Variants in IGF2BP1 observed in about 807,000 individuals in gnomAD.
The protein encoded by IGF2BP1 is insulin-like growth factor 2 mRNA-binding protein 1.
Under a neutral mutation model 74.9 loss-of-function variants are expected in IGF2BP1, and 11 were observed. That is an observed-to-expected ratio of 0.15 (90% confidence interval 0.09 to 0.24). The LOEUF is 0.24. Ranked by LOEUF, IGF2BP1 falls within the 10% of genes least tolerant of loss-of-function variation. The pLI, the probability that IGF2BP1 is intolerant of heterozygous loss-of-function variation, is 1.00. For missense variants in IGF2BP1, 440 were observed against 757.4 expected, an observed-to-expected ratio of 0.58 and a Z score of 4.92; for synonymous variants, 287 against 281.8, an observed-to-expected ratio of 1.02 and a Z score of -0.18.
In IGF2BP1 at chr17:48,997,628, C is replaced by T; in HGVS notation, c.-118C>T. The T allele has an allele frequency of 1.8e-6, 2 of 1,114,874 alleles. No individual in the cohort carries two copies. Among genetic ancestry groups the T allele is most frequent in the Non-Finnish European group, 2.6e-6 (2 of 781,180 alleles). 69.1% of individuals were successfully genotyped at this position (1,114,874 alleles called of 1,614,324 possible). Reference sequence around the variant, plus strand: ...TCGGGACAACTTCTGGGGTGGGGTGCAAAGAAAGTTTGCGGCTCCTGCCGC... The same window carrying T: ...TCGGGACAACTTCTGGGGTGGGGTGTAAAGAAAGTTTGCGGCTCCTGCCGC... On this transcript the variant is annotated 5_prime_UTR_variant, in exon 1 of 15. Coordinates refer to ENST00000290341, the MANE Select transcript of IGF2BP1 (RefSeq NM_006546.4). The surrounding 1 kb of genome is among the most constrained non-coding windows in gnomAD (Gnocchi z 4.8).
chr17:49,004,188 C>A (rs1014346030), intron 2 of IGF2BP1, among the ~76,000 whole-genome samples: 1 of 152,182 alleles, frequency 6.6e-6, no homozygotes, highest in Non-Finnish European at 1.5e-5. Flanking sequence ...AGGAGGACTT[C>A]CCCTCTCAGA....
chr17:48,997,972 G>C lies in IGF2BP1; in HGVS notation c.175+52G>C. On this transcript the variant is annotated intron_variant, in intron 1 of 14. Coordinates refer to ENST00000290341, the MANE Select transcript of IGF2BP1 (RefSeq NM_006546.4). This position sits in a 1 kb window ranked among gnomAD's most constrained non-coding sequence, Gnocchi z 4.8. The stretch of plus-strand genomic sequence containing the variant: ...AGCCACAACGAGAGCCCCGAACAAC[G>C]GAGACCCGCACCTTCCGGTTCCTCT... 1 of 1,583,248 alleles carries C rather than the reference G, an allele frequency of 6.3e-7. No individual in the cohort carries two copies. Among genetic ancestry groups the C allele is most frequent in the African/African-American group, 1.3e-5 (1 of 74,268 alleles).
intron 2 of IGF2BP1, chr17:49,018,094 G>A (rs947682782): frequency 1.3e-5 from 2 of 152,272 alleles, no homozygotes; most frequent in Non-Finnish European, 2.9e-5. Context: ...TAAAAATTCA[G>A]TTGCTCAGTT....
At chr17:49,026,330 G>A in intron 3 of IGF2BP1, 136 bp from the exon 4 acceptor site, 1 of 730,074 alleles carries the variant, frequency 1.4e-6, no homozygotes, top group Admixed American at 2.1e-5. Flanking sequence ...AGGTCACACT[G>A]GACAGGTAAT....
At chr17:49,027,892 T>G in intron 4 of IGF2BP1, among the ~76,000 whole-genome samples, 2 of 133,940 alleles carry the variant, frequency 1.5e-5, no homozygotes, top group South Asian at 2.5e-4. Flanking sequence ...GTTTGCCGGC[T>G]GGGCACAATG....
At chr17:49,024,589 C>T (rs889139899) in intron 2 of IGF2BP1, among the ~76,000 whole-genome samples, 1 of 152,144 alleles carries the variant, frequency 6.6e-6, no homozygotes, top group African/African-American at 2.4e-5. Flanking sequence ...TCACCTACCA[C>T]CCTACCACCC....
intron 2 of IGF2BP1, among the ~76,000 whole-genome samples, chr17:49,024,070 C>T (rs1380064136): frequency 6.0e-5 from 9 of 150,202 alleles, no homozygotes; most frequent in Admixed American, 5.3e-4. Flanking sequence ...GCACGTGCCA[C>T]CACACCCTGC....
chr17:49,026,279 C>A (rs1459273045), intron 3 of IGF2BP1, 187 bp from the exon 4 acceptor site: 2 of 532,120 alleles, frequency 3.8e-6, no homozygotes. Context: ...AACTTAAGTA[C>A]ACTCCTGCAA....
intron 2 of IGF2BP1, among the ~76,000 whole-genome samples, chr17:49,016,231 G>A (rs1183223321): frequency 1.3e-5 from 2 of 152,198 alleles, no homozygotes; most frequent in Non-Finnish European, 2.9e-5. Flanking sequence ...CCTCCAAGTT[G>A]GCAAGTCTGT....
chr17:49,015,228 T>C (rs1365604243), intron 2 of IGF2BP1, among the ~76,000 whole-genome samples: 2 of 152,166 alleles, frequency 1.3e-5, no homozygotes, highest in Non-Finnish European at 2.9e-5. Flanking sequence ...CCGCTTCTGC[T>C]TCCCAAAGTG....
rs2041420893 is a variant in IGF2BP1 at position 48,997,516 on chromosome 17, C to T, written c.-230C>T. On this transcript the variant is annotated 5_prime_UTR_variant, in exon 1 of 15. Transcript: ENST00000290341. This position sits in a 1 kb window ranked among gnomAD's most constrained non-coding sequence, Gnocchi z 4.8. ...AAGCTGCGCCGTGTCGTCCGTCTCC[C>T]TGCGCGCCGCGGGCACTTCTCCTGG... 5.8e-6 allele frequency: 3 copies of T among 517,788 alleles called. No homozygotes were observed. In the South Asian group the frequency reaches 7.8e-5, roughly 14 times the overall value. 32.1% of individuals were successfully genotyped at this position (517,788 alleles called of 1,614,324 possible). A position where few individuals can be genotyped will look rare whatever the true frequency, so the allele number is the denominator to read the frequency against.
At position 49,042,299 on chromosome 17, in the gene IGF2BP1, C is replaced by G. The variant is rs781124783; in HGVS notation, c.999C>G (p.Ile333Met). The G allele has an allele frequency of 3.1e-5, 50 of 1,613,916 alleles. No individual in the cohort carries two copies. In the South Asian group the frequency reaches 5.3e-4, roughly 17 times the overall value. The change falls in exon 9 of 15, where the codon ATC becomes ATG. Residue 333 changes from isoleucine to methionine, a missense_variant. Ile to Met is a conservative substitution (Grantham distance 10). Transcript: ENST00000290341. ...PERTITVKGA[I>M]ENCCRAEQEI... Reference sequence around the variant, plus strand: ...GGACCATCACTGTGAAGGGGGCCATCGAGAATTGTTGCAGGGCCGAGCAGG... The same window carrying G: ...GGACCATCACTGTGAAGGGGGCCATGGAGAATTGTTGCAGGGCCGAGCAGG...
At chr17:49,014,741 CG>C in intron 2 of IGF2BP1, 1 of 983,770 alleles carries the variant, frequency 1.0e-6, no homozygotes, top group South Asian at 4.7e-5. Context: ...CAGACGCTTG[CG>C]GGGCTGGTGC....
chr17:49,038,325 GC>G lies in IGF2BP1; in HGVS notation c.563del (p.Pro188GlnfsTer42). 1.9e-6 allele frequency: 3 copies of G among 1,605,900 alleles called. No homozygotes were observed. Among genetic ancestry groups the G allele is most frequent in the African/African-American group, 1.3e-5 (1 of 74,846 alleles). ...CCAGGGCTCACCTGTGGCAGCGGGG[GC>G]CCCAGCCAAGCAGCAGCAAGTGGAC... ...PRQGSPVAAG[A>X]PAKQQQVDIP... On this transcript the variant is annotated frameshift_variant, in exon 6 of 15. Transcript: ENST00000290341. LOFTEE classifies it high-confidence loss of function.
At chr17:49,034,904 G>T (rs931920524) in intron 5 of IGF2BP1, among the ~76,000 whole-genome samples, 7 of 152,184 alleles carry the variant, frequency 4.6e-5, no homozygotes, top group Non-Finnish European at 1.0e-4. Context: ...ACTTGTGATT[G>T]TCACATAAAT....
At position 49,049,537 on chromosome 17, in the gene IGF2BP1, C is replaced by T. The variant is rs541135966; in HGVS notation, c.*93C>T. 21 of 1,048,486 alleles carry T rather than the reference C, an allele frequency of 2.0e-5. No homozygotes were observed. Among genetic ancestry groups the T allele is most frequent in the Admixed American group, 4.0e-5 (2 of 49,464 alleles). The allele number at this position is 1,048,486 out of a possible 1,614,324, so 64.9% of individuals were successfully genotyped here. ...GCAGGCCTGAGAATGAGTGGGAATC[C>T]GGGACACCTGGGCCGGGCTGTAGAT... On this transcript the variant is annotated 3_prime_UTR_variant, in exon 15 of 15. Coordinates refer to ENST00000290341, the MANE Select transcript of IGF2BP1 (RefSeq NM_006546.4).
chr17:49,007,424 C>A (rs956260145), intron 2 of IGF2BP1, among the ~76,000 whole-genome samples: 5 of 152,214 alleles, frequency 3.3e-5, no homozygotes, highest in Admixed American at 2.0e-4. Context: ...TGCCATAATG[C>A]AGGCACATGG....
chr17:49,013,002 G>A (rs1159981003), intron 2 of IGF2BP1: 6 of 152,080 alleles, frequency 3.9e-5, no homozygotes. Flanking sequence ...GTGTCACCTT[G>A]ACCTCTCTGA....
chr17:49,031,116 A>C (rs2041916380), intron 4 of IGF2BP1, among the ~76,000 whole-genome samples: 1 of 151,740 alleles, frequency 6.6e-6, no homozygotes, highest in South Asian at 2.1e-4. Context: ...GTAAATTTGA[A>C]TTTTCTTTCT....
Sources: gnomAD v4.1 joint callset for allele counts (sites outside exome capture counted in the v4.1 genomes callset) on GRCh38, gnomAD v4.1.1 for gene constraint, Gnocchi (gnomAD v3.1) non-coding constraint, MANE v1.5 for transcripts, NCBI Gene and HGNC (gene_info 2026-07-23, HGNC 2026-07-21) for gene names.